Variants in STK17A observed in about 807,000 individuals in gnomAD.
The protein encoded by STK17A is serine/threonine-protein kinase 17A.
Under a neutral mutation model 43.7 loss-of-function variants are expected in STK17A, and 26 were observed. The ratio of observed to expected loss-of-function variants is 0.60; its 90% CI spans 0.44 to 0.83. The LOEUF is 0.83. Among genes scored for constraint, STK17A ranks in the 40% least tolerant of loss-of-function variants. The probability of loss-of-function intolerance (pLI) is 0.00; values close to 1 mark genes in which losing one functional copy is unlikely to be tolerated. For synonymous variants in STK17A, 191 were observed against 182.5 expected (o/e 1.05, Z -0.38); for missense variants, 476 against 511.6 (o/e 0.93, Z 0.67).
chr7:43,593,271 A>G (rs963389166), intron 1 of STK17A, among the ~76,000 whole-genome samples: 1 of 152,206 alleles, frequency 6.6e-6, no homozygotes. Flanking sequence ...TGATACATAT[A>G]CACACCATAT....
Position 43,625,617 on chromosome 7 carries a change from C to T in STK17A, c.*775C>T, listed in dbSNP as rs999924933. On this transcript the variant is annotated 3_prime_UTR_variant, in exon 7 of 7. Coordinates refer to ENST00000319357, the MANE Select transcript of STK17A (RefSeq NM_004760.3). ...TCTATACCCCTGCCACTTCCTGGCA[C>T]CTCCCCCCATGCTTGTCATTTAATT... 1 of 152,554 alleles carries T rather than the reference C, an allele frequency of 6.6e-6. No homozygotes were observed. The highest frequency in any genetic ancestry group is 2.4e-5 in the African/African-American group (1 of 41,426). The allele number at this position is 152,554 out of a possible 1,614,324, so 9.5% of individuals were successfully genotyped here.
At chr7:43,593,024 C>T (rs1392221260) in intron 1 of STK17A, among the ~76,000 whole-genome samples, 2 of 152,090 alleles carry the variant, frequency 1.3e-5, no homozygotes, top group African/African-American at 2.4e-5. Flanking sequence ...GTGCTCATCA[C>T]CTAAATAGCG....
At chr7:43,617,527 C>T (rs1013688067) in intron 3 of STK17A, among the ~76,000 whole-genome samples, 2 of 152,008 alleles carry the variant, frequency 1.3e-5, no homozygotes, top group African/African-American at 4.8e-5. Flanking sequence ...TTAGTGTTCT[C>T]TCCTATTCTG....
intron 3 of STK17A, 179 bp downstream of exon 3, chr7:43,608,579 A>C: frequency 1.7e-6 from 1 of 591,812 alleles, no homozygotes; most frequent in Non-Finnish European, 2.8e-6. Context: ...GATAATGCAC[A>C]CATGTGTACA....
intron 1 of STK17A, among the ~76,000 whole-genome samples, chr7:43,586,593 TA>T (rs2082440989): frequency 6.6e-6 from 1 of 151,496 alleles, no homozygotes; most frequent in African/African-American, 2.4e-5. Context: ...TGGGTTCTGA[TA>T]ATTTTTTCGT....
chr7:43,602,360 G>A (rs2082561542), intron 2 of STK17A, among the ~76,000 whole-genome samples: 1 of 152,058 alleles, frequency 6.6e-6, no homozygotes, highest in Non-Finnish European at 1.5e-5. Context: ...GAATAGTCTG[G>A]ATTTATAGCA....
Position 43,612,622 on chromosome 7 carries a change from G to A in STK17A, c.564+4222G>A, listed in dbSNP as rs181993972. ...ATGCTGGTTAAAATGGGAAACTCCTGTCCCTGTGACAGAAGTTAGTTGGAA... is the reference window on the plus strand; with the variant it reads ...ATGCTGGTTAAAATGGGAAACTCCTATCCCTGTGACAGAAGTTAGTTGGAA... On this transcript the variant is annotated intron_variant, in intron 3 of 6. Transcript: ENST00000319357. 5.6e-4 allele frequency among the ~76,000 whole-genome samples: 85 copies of A among 152,312 alleles called. No homozygotes were observed. In the East Asian group the frequency reaches 0.013, roughly 24 times the overall value.
chr7:43,621,377 G>C (rs936569993), intron 4 of STK17A, among the ~76,000 whole-genome samples: 1 of 152,208 alleles, frequency 6.6e-6, no homozygotes, highest in Non-Finnish European at 1.5e-5. Context: ...GGGTACCATT[G>C]TAAGCTCAAA....
intron 3 of STK17A, chr7:43,608,778 T>C (rs2082648242): frequency 6.3e-6 from 1 of 159,566 alleles, no homozygotes; most frequent in Admixed American, 6.4e-5. Context: ...TTCACTGGAA[T>C]TGAGAAATCA....
rs767557100 is a variant in STK17A, at chr7:43,624,890, A to T, written c.*48A>T. 3 of 1,487,024 alleles carry T rather than the reference A, an allele frequency of 2.0e-6. No homozygotes were observed. The highest frequency in any genetic ancestry group is 2.7e-5 in the South Asian group (2 of 74,214). 92.1% of individuals were successfully genotyped at this position (1,487,024 alleles called of 1,614,324 possible). ...CAAGATTTCTACATTGAAAATGTTA[A>T]TATTATTTATGGACCTCTGGCCAAA... On this transcript the variant is annotated 3_prime_UTR_variant, in exon 7 of 7. Transcript: ENST00000319357.
chr7:43,614,517 G>T (rs1031709184), intron 3 of STK17A, among the ~76,000 whole-genome samples: 1 of 152,136 alleles, frequency 6.6e-6, no homozygotes, highest in Non-Finnish European at 1.5e-5. Context: ...TTTCACCATC[G>T]AAGAACTAAC....
chr7:43,610,820 AAGAAG>A (rs2152978605), intron 3 of STK17A, among the ~76,000 whole-genome samples: 1 of 152,010 alleles, frequency 6.6e-6, no homozygotes, highest in African/African-American at 2.4e-5. Context: ...GCGCACTCTC[AAGAAG>A]GAGTGTACAG....
chr7:43,623,493 G>GCTTA lies in STK17A; in HGVS notation c.692-78_692-75dup. 3 of 1,209,404 alleles carry GCTTA rather than the reference G, an allele frequency of 2.5e-6. No individual in the cohort carries two copies. The South Asian group carries it at 3.9e-5, about 16-fold the overall frequency. 74.9% of individuals were successfully genotyped at this position (1,209,404 alleles called of 1,614,324 possible). ...TGGATAGTGCCTTATAGTTTCTAAT[G>GCTTA]CTTAGTTTTTTATCTCTTAGAGCAA... On this transcript the variant is annotated intron_variant, in intron 4 of 6. Transcript: ENST00000319357.
At chr7:43,618,639 A>G (rs1218748284) in intron 3 of STK17A, among the ~76,000 whole-genome samples, 1 of 152,210 alleles carries the variant, frequency 6.6e-6, no homozygotes, top group Non-Finnish European at 1.5e-5. Flanking sequence ...CGTGTTTTAA[A>G]AATTTAATGA....
rs773957244 is a variant in STK17A, at chr7:43,624,744, C to G, written c.1147C>G (p.Gln383Glu). 1.9e-6 allele frequency: 3 copies of G among 1,613,884 alleles called. No individual in the cohort carries two copies. The highest frequency in any genetic ancestry group is 2.5e-6 in the Non-Finnish European group (3 of 1,179,858). ...TTCATATACTCTAGGACAATGCAGA[C>G]AGTCTGAAAAAGAGAAAATGGAGCA... ...VTSYTLGQCR[Q>E]SEKEKMEQKA... The change falls in exon 7 of 7, where the codon CAG becomes GAG. Residue 383 changes from glutamine (Q) to glutamate (E), a missense_variant. By Grantham distance (29) the Gln-to-Glu change is conservative. This residue lies in a region of STK17A where 110 missense variants were observed against 103.7 expected (regional missense o/e 1.06). Coordinates refer to ENST00000319357, the MANE Select transcript of STK17A (RefSeq NM_004760.3).
At chr7:43,585,430 T>A (rs1407436068) in intron 1 of STK17A, among the ~76,000 whole-genome samples, 2 of 151,556 alleles carry the variant, frequency 1.3e-5, no homozygotes, top group Non-Finnish European at 3.0e-5. Context: ...AGCTTTCCGA[T>A]CAGGTTTTTT....
chr7:43,618,505 T>C (rs551006159), intron 3 of STK17A, among the ~76,000 whole-genome samples: 1 of 152,234 alleles, frequency 6.6e-6, no homozygotes, highest in Admixed American at 6.5e-5. Context: ...AAACACTGGG[T>C]GTTAGAGTGA....
chr7:43,597,783 A>C (rs1583551459), intron 2 of STK17A, among the ~76,000 whole-genome samples: 2 of 152,194 alleles, frequency 1.3e-5, no homozygotes, highest in Non-Finnish European at 2.9e-5. Context: ...AAATACAAAA[A>C]TTAGCTGGGA....
At position 43,624,506 on chromosome 7, in the gene STK17A, G is replaced by T; in HGVS notation, c.921-12G>T. The T allele has an allele frequency of 6.3e-7, 1 of 1,593,558 alleles. No individual in the cohort carries two copies. The highest frequency in any genetic ancestry group is 8.5e-7 in the Non-Finnish European group (1 of 1,169,840). Reference sequence around the variant, plus strand: ...CTAACATGTCTTAACTGTAAAACATGTATCTTTACAGAGATCGAGCCACTG... The same window carrying T: ...CTAACATGTCTTAACTGTAAAACATTTATCTTTACAGAGATCGAGCCACTG... On this transcript the variant is annotated splice_polypyrimidine_tract_variant and intron_variant, in intron 6 of 6. Transcript: ENST00000319357.
Sources: gnomAD v4.1 joint callset for allele counts (sites outside exome capture counted in the v4.1 genomes callset) on GRCh38, gnomAD v4.1.1 for gene constraint, gnomAD v4.1.1 regional missense constraint, MANE v1.5 for transcripts, NCBI Gene and HGNC (gene_info 2026-07-23, HGNC 2026-07-21) for gene names.